LGI1: variants seen among roughly 807,000 people sequenced by gnomAD.
LGI1 encodes leucine-rich glioma-inactivated protein 1.
Under a neutral mutation model 57.7 loss-of-function variants are expected in LGI1, and 11 were observed. The observed-to-expected ratio is 0.19, with a 90% CI of 0.12 to 0.32. The LOEUF (loss-of-function observed/expected upper bound fraction) is 0.32. Ranked by LOEUF, LGI1 falls within the 10% of genes least tolerant of loss-of-function variation. The probability of loss-of-function intolerance (pLI) is 1.00; values close to 1 mark genes in which losing one functional copy is unlikely to be tolerated. For missense variants in LGI1, 422 were observed against 661.9 expected, an observed-to-expected ratio of 0.64 and a Z score of 3.98; for synonymous variants, 222 against 241.9, an observed-to-expected ratio of 0.92 and a Z score of 0.76.
rs1431473977 is a variant in LGI1, at chr10:93,797,632, G to A, written c.1503G>A (p.Val501=). The A allele has an allele frequency of 1.2e-6, 2 of 1,614,136 alleles. No individual in the cohort carries two copies. Among genetic ancestry groups the A allele is most frequent in the Non-Finnish European group, 1.7e-6 (2 of 1,180,008 alleles). ...ILGSDYSFTQ[V]YNWDAEKAKF... is the part of the protein sequence containing the mutation. The stretch of plus-strand genomic sequence containing the variant: ...GAAGTGATTACTCCTTTACTCAAGT[G>A]TATAACTGGGATGCAGAGAAAGCCA... The change falls in exon 8 of 8, where the codon GTG becomes GTA. Residue 501 remains valine (V), a synonymous_variant. Coordinates refer to ENST00000371418, the MANE Select transcript of LGI1 (RefSeq NM_005097.4). This position sits in a 1 kb window ranked among gnomAD's most constrained non-coding sequence, Gnocchi z 6.5.
At chr10:93,785,649 A>C (rs1370398233) in intron 4 of LGI1, among the ~76,000 whole-genome samples, 1 of 152,242 alleles carries the variant, frequency 6.6e-6, no homozygotes, top group East Asian at 1.9e-4. Context: ...AAAAGTTAAT[A>C]ATAATATTAT....
chr10:93,785,530 C>T (rs1172151565), intron 4 of LGI1, among the ~76,000 whole-genome samples: 1 of 152,070 alleles, frequency 6.6e-6, no homozygotes, highest in Non-Finnish European at 1.5e-5. Flanking sequence ...TGGATTTGGA[C>T]GAAGTTGGCA....
At chr10:93,766,062 A>ATATGAAACTGGCTGTTATAAG (rs1414191708) in intron 2 of LGI1, among the ~76,000 whole-genome samples, 1 of 152,146 alleles carries the variant, frequency 6.6e-6, no homozygotes, top group Non-Finnish European at 1.5e-5. Flanking sequence ...GAAACTCATA[A>ATATGAAACTGGCTGTTATAAG]TATGAAACTG....
intron 2 of LGI1, among the ~76,000 whole-genome samples, chr10:93,759,658 A>T (rs1052798536): frequency 2.0e-5 from 3 of 152,194 alleles, no homozygotes; most frequent in African/African-American, 7.2e-5. Context: ...AGCTGGACGG[A>T]TATGGGCAGA....
At chr10:93,765,091 T>C (rs1166880885) in intron 2 of LGI1, 2 of 152,176 alleles carry the variant, frequency 1.3e-5, no homozygotes, top group Non-Finnish European at 2.9e-5. Context: ...ATATTGGCAG[T>C]CTTCAGATGA....
intron 4 of LGI1, chr10:93,788,622 G>A (rs1340713643): frequency 6.6e-6 from 1 of 152,168 alleles, no homozygotes; most frequent in African/African-American, 2.4e-5. Context: ...CAATTGGACC[G>A]TCATTGACAA....
At chr10:93,782,935 T>C (rs1449988965) in intron 4 of LGI1, 1 of 152,206 alleles carries the variant, frequency 6.6e-6, no homozygotes, top group Non-Finnish European at 1.5e-5. Flanking sequence ...GGAGGTTTTC[T>C]TGGGTAAATG....
intron 4 of LGI1, among the ~76,000 whole-genome samples, chr10:93,778,007 G>A (rs10882333): frequency 0.1 from 15,721 of 152,086 alleles, 1,255 homozygotes; most frequent in East Asian, 0.46. Context: ...AGCCACAGGC[G>A]ATGTCTTCAT....
chr10:93,758,403 A>T lies in LGI1; in HGVS notation c.215+44A>T, dbSNP rs1310640512. On this transcript the variant is annotated intron_variant, in intron 1 of 7. Transcript: ENST00000371418. The surrounding 1 kb of genome is among the most constrained non-coding windows in gnomAD (Gnocchi z 4.7). ...TTGATATCTAATTTACGATTTAAAA[A>T]TTCCAGCCGGTGGATTTGGGGCTTT... is the stretch of plus-strand genomic sequence containing the variant. The T allele has an allele frequency of 1.3e-6, 2 of 1,581,630 alleles. No homozygotes were observed. The highest frequency in any genetic ancestry group is 3.3e-5 in the Admixed American group (2 of 59,962).
rs751606408 is a variant in LGI1, at chr10:93,792,962, CT to C, written c.673+59del. On this transcript the variant is annotated intron_variant, in intron 6 of 7. Transcript: ENST00000371418. ...CTCAAAAAATTAAAATAAGGGCTAC[CT>C]TTTTTTTTCATGTGCAGGAACTGAT... 1.1e-3 allele frequency: 1,628 copies of C among 1,533,498 alleles called. 13 individuals are homozygous for C. Among genetic ancestry groups the C allele is most frequent in the Middle Eastern group, 7.1e-3 (42 of 5,890 alleles). The allele number at this position is 1,533,498 out of a possible 1,614,324, so 95.0% of individuals were successfully genotyped here. A position where few individuals can be genotyped will look rare whatever the true frequency, so the allele number is the denominator to read the frequency against.
Position 93,758,183 on chromosome 10 carries a change from C to T in LGI1, c.39C>T (p.Cys13=), listed in dbSNP as rs1293636849. 1 of 1,614,200 alleles carries T rather than the reference C, an allele frequency of 6.2e-7. No individual in the cohort carries two copies. The highest frequency in any genetic ancestry group is 2.2e-5 in the East Asian group (1 of 44,878). The change falls in exon 1 of 8, where the codon TGC becomes TGT. Residue 13 remains cysteine, a synonymous_variant. Coordinates refer to ENST00000371418, the MANE Select transcript of LGI1 (RefSeq NM_005097.4). The surrounding 1 kb of genome is among the most constrained non-coding windows in gnomAD (Gnocchi z 4.7). The part of the protein sequence containing the change: ...SERSKRMGNA[C]IPLKRIAYFL... ...GAAGCAAAAGGATGGGAAATGCCTG[C>T]ATTCCCCTGAAAAGAATTGCTTATT...
Position 93,758,531 on chromosome 10 carries a change from C to A in LGI1, c.215+172C>A. The A allele has an allele frequency of 1.3e-6, 1 of 759,472 alleles. No homozygotes were observed. Among genetic ancestry groups the A allele is most frequent in the Non-Finnish European group, 2.2e-6 (1 of 452,336 alleles). 47.0% of individuals were successfully genotyped at this position (759,472 alleles called of 1,614,324 possible). A position where few individuals can be genotyped will look rare whatever the true frequency, so the allele number is the denominator to read the frequency against. ...CATTTAGAATTTTTGATTTTTTTAG[C>A]TGCTACTGAACATGCTTAGATACCC... On this transcript the variant is annotated intron_variant, in intron 1 of 7. Coordinates refer to ENST00000371418, the MANE Select transcript of LGI1 (RefSeq NM_005097.4). The surrounding 1 kb of genome is among the most constrained non-coding windows in gnomAD (Gnocchi z 4.7).
At chr10:93,778,786 CT>C (rs1419287404) in intron 4 of LGI1, 1 of 152,212 alleles carries the variant, frequency 6.6e-6, no homozygotes, top group African/African-American at 2.4e-5. Flanking sequence ...ATTCCCAGCT[CT>C]GCTCTAGGCC....
intron 4 of LGI1, among the ~76,000 whole-genome samples, chr10:93,779,453 G>A (rs187513283): frequency 0.016 from 2,269 of 138,206 alleles, 40 homozygotes; most frequent in Non-Finnish European, 0.025. Flanking sequence ...GAGGGGAGGG[G>A]AAAGGAGGGA....
chr10:93,765,200 T>C (rs1024636831), intron 2 of LGI1: 1 of 152,140 alleles, frequency 6.6e-6, no homozygotes, highest in African/African-American at 2.4e-5. Flanking sequence ...GATCCAATAG[T>C]TTGGGTAGGT....
intron 6 of LGI1, 132 bp downstream of exon 6, chr10:93,793,044 C>T: frequency 1.7e-6 from 2 of 1,158,676 alleles, no homozygotes; most frequent in South Asian, 1.4e-5. Context: ...AATTATGAAC[C>T]ATTGACAATG....
chr10:93,791,896 G>A (rs2059940555), intron 5 of LGI1: 1 of 152,168 alleles, frequency 6.6e-6, no homozygotes. Flanking sequence ...GATTAATTAT[G>A]TCTGTGAGGA....
intron 2 of LGI1, among the ~76,000 whole-genome samples, chr10:93,761,830 A>C (rs1009817503): frequency 2.0e-5 from 3 of 152,124 alleles, no homozygotes; most frequent in Admixed American, 6.5e-5. Context: ...AATTTCATTC[A>C]TGTTTTACAT....
chr10:93,783,621 G>T (rs1458770805), intron 4 of LGI1, among the ~76,000 whole-genome samples: 1 of 152,208 alleles, frequency 6.6e-6, no homozygotes, highest in African/African-American at 2.4e-5. Context: ...CCTTGGCACA[G>T]GGGGCCTCAA....
Sources: allele counts gnomAD v4.1 joint callset (sites outside exome capture counted in the v4.1 genomes callset), GRCh38; gene constraint gnomAD v4.1.1; non-coding constraint Gnocchi (gnomAD v3.1); transcripts MANE v1.5; gene names NCBI Gene and HGNC (gene_info 2026-07-23, HGNC 2026-07-21).